The following ZNF276 variants were observed in gnomAD, a reference collection of about 807,000 sequenced individuals.
ZNF276 encodes the protein centromere protein Z.
A neutral mutation model predicts 63.9 loss-of-function variants in ZNF276; 59 were observed. The ratio of observed to expected loss-of-function variants is 0.92; its 90% CI spans 0.75 to 1.15. The LOEUF (loss-of-function observed/expected upper bound fraction) is 1.15. ZNF276 is among the 50% of genes most tolerant of loss of function. The pLI, the probability that ZNF276 is intolerant of heterozygous loss-of-function variation, is 0.00. For missense variants in ZNF276, 1,084 were observed against 843.8 expected, an observed-to-expected ratio of 1.28 and a Z score of -3.53; for synonymous variants, 496 against 348.4, an observed-to-expected ratio of 1.42 and a Z score of -4.72.
At chr16:89,731,938 G>T (rs2061667559) in intron 6 of ZNF276, 1 of 152,222 alleles carries the variant, frequency 6.6e-6, no homozygotes, top group Non-Finnish European at 1.5e-5. Context: ...TTCTTGCCCA[G>T]TTACTCTGGC....
Position 89,723,260 on chromosome 16 carries a change from TG to T in ZNF276, c.559del (p.Asp187IlefsTer2). ...TGACATCTCTGTTGACTCTCTGCAG[TG>T]GATCTGATCACATCCAGCCCCCAGT... ...PTGAEEGACL[V>X]DLITSSPQCL... On this transcript the variant is annotated frameshift_variant and splice_region_variant, in exon 4 of 11. Transcript: ENST00000443381. LOFTEE classifies it high-confidence loss of function. The T allele has an allele frequency of 1.2e-6, 2 of 1,613,172 alleles. No individual in the cohort carries two copies. Among genetic ancestry groups the T allele is most frequent in the Non-Finnish European group, 1.7e-6 (2 of 1,179,982 alleles).
rs752558079 is a variant in ZNF276, at chr16:89,723,721, CT to C, written c.1006+13del. On this transcript the variant is annotated intron_variant, in intron 4 of 10. Transcript: ENST00000443381. ...TTGCAGGGCCCCAGGTAGGAGGCAC[CT>C]CTTGCTGGTGCTAGACCAGGATGTG... 1.3e-5 allele frequency: 21 copies of C among 1,603,094 alleles called. No homozygotes were observed. Among genetic ancestry groups the C allele is most frequent in the African/African-American group, 2.7e-5 (2 of 74,878 alleles).
At position 89,722,688 on chromosome 16, in the gene ZNF276, T is replaced by G; in HGVS notation, c.363T>G (p.Leu121=). 2 of 1,612,438 alleles carry G rather than the reference T, an allele frequency of 1.2e-6. No homozygotes were observed. Among genetic ancestry groups the G allele is most frequent in the African/African-American group, 2.7e-5 (2 of 75,072 alleles). ...TCGTACGGGACTTCCAGCGCCTGCT[T>G]GGTGTGGCTGTCCGCCAGGACCCCA... The part of the protein sequence containing the change: ...RVLVRDFQRL[L]GVAVRQDPTL... Residue 121 remains leucine (L), a synonymous_variant, in exon 2 of 11, where the codon CTT becomes CTG. Transcript: ENST00000443381.
rs762253575 is a variant in ZNF276 at position 89,723,481 on chromosome 16, A to G, written c.778A>G (p.Lys260Glu). 6.2e-7 allele frequency: 1 copy of G among 1,612,976 alleles called. No individual in the cohort carries two copies. Among genetic ancestry groups the G allele is most frequent in the Non-Finnish European group, 8.5e-7 (1 of 1,180,016 alleles). Reference sequence around the variant, plus strand: ...CTTGCTGGACAGTGCGCTGGCAGTCAAGTGGCCATGGGACAAAGAGACGGC... The same window carrying G: ...CTTGCTGGACAGTGCGCTGGCAGTCGAGTGGCCATGGGACAAAGAGACGGC... Reference protein sequence around the residue: ...AFLLDSALAVKWPWDKETAPR... With the variant: ...AFLLDSALAVEWPWDKETAPR... Residue 260 changes from lysine to glutamate, a missense_variant, in exon 4 of 11, where the codon AAG (lysine) becomes GAG (glutamate). Coordinates refer to ENST00000443381, the MANE Select transcript of ZNF276 (RefSeq NM_001113525.2).
chr16:89,723,371 A>G lies in ZNF276; in HGVS notation c.668A>G (p.Glu223Gly), dbSNP rs371145302. 213 of 1,612,912 alleles carry G rather than the reference A, an allele frequency of 1.3e-4. No homozygotes were observed. The highest frequency in any genetic ancestry group is 1.8e-4 in the Non-Finnish European group (210 of 1,180,038). The part of the protein sequence containing the change: ...LPHLQRTLSS[E>G]YCGVIQVVWG... ...CACCTTCAGAGGACACTGTCCTCCG[A>G]GTACTGCGGCGTCATCCAGGTCGTG... Residue 223 changes from glutamate to glycine, a missense_variant, in exon 4 of 11, where the codon GAG becomes GGG. Glu to Gly is a moderately conservative substitution (Grantham distance 98). Transcript: ENST00000443381.
At chr16:89,727,757 C>T (rs950454182) in intron 5 of ZNF276, among the ~76,000 whole-genome samples, 2 of 152,220 alleles carry the variant, frequency 1.3e-5, no homozygotes, top group African/African-American at 4.8e-5. Flanking sequence ...TCCTTTGCTT[C>T]TGCTACTGTT....
chr16:89,721,725 C>A lies in ZNF276; in HGVS notation c.85C>A (p.Arg29=). The A allele has an allele frequency of 7.4e-7, 1 of 1,354,946 alleles. No individual in the cohort carries two copies. The highest frequency in any genetic ancestry group is 9.5e-7 in the Non-Finnish European group (1 of 1,055,010). The allele number at this position is 1,354,946 out of a possible 1,614,324, so 83.9% of individuals were successfully genotyped here. A position where few individuals can be genotyped will look rare whatever the true frequency, so the allele number is the denominator to read the frequency against. ...GASDGGGGVS[R]TRGRPSLSGG... is the part of the protein sequence containing the mutation. ...CTCGGACGGCGGCGGCGGCGTCAGC[C>A]GGACTCGGGGCCGCCCTTCCCTTAG... is the stretch of plus-strand genomic sequence containing the variant. The change falls in exon 1 of 11, where the codon CGG becomes AGG. Residue 29 remains arginine, a synonymous_variant. Coordinates refer to ENST00000443381, the MANE Select transcript of ZNF276 (RefSeq NM_001113525.2).
chr16:89,720,469 T>A (rs959889408), upstream of ZNF276: 160 of 1,090,508 alleles, frequency 1.5e-4, no homozygotes, highest in Non-Finnish European at 1.8e-4. Flanking sequence ...TTTTGGAAGG[T>A]GGCCTGGCGG....
At chr16:89,727,199 T>C (rs898992966) in intron 4 of ZNF276, 80 bp from the exon 5 acceptor site, 14 of 1,404,708 alleles carry the variant, frequency 1.0e-5, no homozygotes, top group African/African-American at 1.4e-5. Flanking sequence ...TAGTCATCAA[T>C]AGTAGAATCA....
At position 89,738,370 on chromosome 16, in the gene ZNF276, G is replaced by T. The variant is rs190762834; in HGVS notation, c.*124G>T. The T allele has an allele frequency of 5.5e-6, 8 of 1,446,798 alleles. No individual in the cohort carries two copies. The highest frequency in any genetic ancestry group is 6.4e-6 in the Non-Finnish European group (7 of 1,086,060). The allele number at this position is 1,446,798 out of a possible 1,614,324, so 89.6% of individuals were successfully genotyped here. A position where few individuals can be genotyped will look rare whatever the true frequency, so the allele number is the denominator to read the frequency against. ...GCTGCCCGCCCTTGGTGCTGGAGGC[G>T]GGCTTGGTGTCCGGCTCAAGTAGCC... On this transcript the variant is annotated 3_prime_UTR_variant, in exon 11 of 11. Coordinates refer to ENST00000443381, the MANE Select transcript of ZNF276 (RefSeq NM_001113525.2).
chr16:89,721,203 T>G (rs1166711821), upstream of ZNF276: 2 of 219,682 alleles, frequency 9.1e-6, no homozygotes, highest in Non-Finnish European at 8.9e-6. Flanking sequence ...CTCCCCTTTC[T>G]GCAGCCCGCC....
intron 9 of ZNF276, among the ~76,000 whole-genome samples, chr16:89,735,065 G>A (rs1020068050): frequency 6.6e-6 from 1 of 151,010 alleles, no homozygotes; most frequent in Admixed American, 6.6e-5. Context: ...AGGCGGAGGT[G>A]GAGGTTGCAG....
rs745812013 is a variant in ZNF276 at position 89,722,714 on chromosome 16, C to A, written c.389C>A (p.Thr130Asn). 14 of 1,612,254 alleles carry A rather than the reference C, an allele frequency of 8.7e-6. No homozygotes were observed. In the South Asian group the frequency reaches 1.5e-4, roughly 18 times the overall value. The change falls in exon 2 of 11, where the codon ACC (threonine) becomes AAC (asparagine). Residue 130 changes from threonine (T) to asparagine (N), a missense_variant. Thr to Asn is a moderately conservative substitution (Grantham distance 65). Coordinates refer to ENST00000443381, the MANE Select transcript of ZNF276 (RefSeq NM_001113525.2). Reference protein sequence around the residue: ...LLGVAVRQDPTLSPFVCKSCH... With the variant: ...LLGVAVRQDPNLSPFVCKSCH... ...GGTGTGGCTGTCCGCCAGGACCCCA[C>A]CTTGTCTCCGTTTGTCTGCAAGAGC...
At chr16:89,728,649 G>A (rs555618290) in intron 5 of ZNF276, among the ~76,000 whole-genome samples, 82 of 152,162 alleles carry the variant, frequency 5.4e-4, no homozygotes, top group Middle Eastern at 3.4e-3. Context: ...TGATCCGCCC[G>A]CCTCTGCCTC....
chr16:89,734,066 CGGGTGACAGCCAGGGGCACGT>C, intron 9 of ZNF276, 28 bp downstream of exon 9: 1 of 1,595,534 alleles, frequency 6.3e-7, no homozygotes. Flanking sequence ...GTCGCCCACG[CGGGTGACAGCCAGGGGCACGT>C]GACCTGCTTT....
intron 4 of ZNF276, among the ~76,000 whole-genome samples, chr16:89,725,457 A>C (rs966683382): frequency 1.3e-5 from 2 of 148,466 alleles, no homozygotes; most frequent in African/African-American, 4.9e-5. Context: ...CTGGGATTAC[A>C]GGTGTGAACC....
intron 4 of ZNF276, among the ~76,000 whole-genome samples, chr16:89,725,438 C>T (rs749121692): frequency 6.6e-6 from 1 of 152,278 alleles, no homozygotes; most frequent in South Asian, 2.1e-4. Context: ...GCATCAGCCT[C>T]CCAGAATGCT....
chr16:89,737,189 A>AATC (rs2061953865), intron 9 of ZNF276, among the ~76,000 whole-genome samples: 1 of 152,178 alleles, frequency 6.6e-6, no homozygotes, highest in African/African-American at 2.4e-5. Context: ...TAGCTGTGAC[A>AATC]ATCAGTATTC....
intron 9 of ZNF276, 109 bp from the exon 10 acceptor site, chr16:89,737,697 C>T: frequency 1.3e-6 from 2 of 1,574,862 alleles, no homozygotes; most frequent in African/African-American, 1.3e-5. Flanking sequence ...GCATGGTGAA[C>T]CATGTGCAGA....
Sources: gnomAD v4.1 joint callset for allele counts (sites outside exome capture counted in the v4.1 genomes callset) on GRCh38, gnomAD v4.1.1 for gene constraint, MANE v1.5 for transcripts, NCBI Gene and HGNC (gene_info 2026-07-23, HGNC 2026-07-21) for gene names.